NAV3: variants seen among roughly 807,000 people sequenced by gnomAD.
NAV3 encodes neuron navigator 3.
In NAV3, 87 loss-of-function variants were observed where a neutral mutation model predicts 244.7. The ratio of observed to expected loss-of-function variants is 0.36; its 90% CI spans 0.30 to 0.42. The LOEUF is 0.42. Ranked by LOEUF, NAV3 falls within the 20% of genes least tolerant of loss-of-function variation. The pLI is 1.00. For synonymous variants in NAV3, 1,126 were observed against 1,042.2 expected (o/e 1.08, Z -1.55); for missense variants, 2,663 against 2,893.3 (o/e 0.92, Z 1.83).
At chr12:77,666,697 G>T (rs1343978964) in intron 2 of NAV3, among the ~76,000 whole-genome samples, 1 of 152,100 alleles carries the variant, frequency 6.6e-6, no homozygotes, top group Non-Finnish European at 1.5e-5. Context: ...ATCCAGATTA[G>T]CATTTTATTT....
intron 7 of NAV3, among the ~76,000 whole-genome samples, chr12:78,003,395 A>G (rs1048597590): frequency 1.3e-5 from 2 of 152,166 alleles, no homozygotes; most frequent in Non-Finnish European, 2.9e-5. Flanking sequence ...TTCAGCAGGG[A>G]CCATCTATAT....
At chr12:77,802,905 G>A (rs1210276837) in intron 2 of NAV3, among the ~76,000 whole-genome samples, 2 of 152,062 alleles carry the variant, frequency 1.3e-5, no homozygotes, top group Non-Finnish European at 2.9e-5. Flanking sequence ...CTGACCTCAC[G>A]ATCCACCTGC....
intron 31 of NAV3, among the ~76,000 whole-genome samples, chr12:78,186,401 T>C (rs1958721719): frequency 6.6e-6 from 1 of 151,932 alleles, no homozygotes; most frequent in Non-Finnish European, 1.5e-5. Flanking sequence ...TACTTAAGTT[T>C]GAAAAGTAAG....
At chr12:77,674,169 T>C (rs977934046) in intron 2 of NAV3, among the ~76,000 whole-genome samples, 7 of 152,194 alleles carry the variant, frequency 4.6e-5, no homozygotes, top group African/African-American at 1.7e-4. Context: ...TAGGTTTTCT[T>C]CATACAACTC....
intron 12 of NAV3, among the ~76,000 whole-genome samples, chr12:78,063,723 C>T (rs1344053299): frequency 6.6e-6 from 1 of 152,066 alleles, no homozygotes; most frequent in African/African-American, 2.4e-5. Flanking sequence ...AGCATTTAAG[C>T]AGGGTCTTAA....
intron 2 of NAV3, among the ~76,000 whole-genome samples, chr12:77,699,182 C>A (rs750377989): frequency 6.6e-6 from 1 of 152,064 alleles, no homozygotes; most frequent in African/African-American, 2.4e-5. Flanking sequence ...ATAGAAGACA[C>A]GCTGGCTGTC....
chr12:78,048,881 C>G (rs377376570), intron 9 of NAV3, among the ~76,000 whole-genome samples: 107 of 152,342 alleles, frequency 7.0e-4, no homozygotes, highest in African/African-American at 2.4e-3. Context: ...AAGCCCCTGA[C>G]TGGGGCTGCT....
At chr12:77,785,805 T>C (rs1870878385) in intron 2 of NAV3, among the ~76,000 whole-genome samples, 2 of 152,338 alleles carry the variant, frequency 1.3e-5, no homozygotes, top group South Asian at 2.1e-4. Flanking sequence ...AATTTCAATA[T>C]GGCTTTTATG....
intron 1 of NAV3, among the ~76,000 whole-genome samples, chr12:77,921,287 G>A (rs1233675442): frequency 1.3e-5 from 2 of 152,034 alleles, no homozygotes; most frequent in Non-Finnish European, 2.9e-5. Context: ...ACTAATAAAT[G>A]TTCCTCAGTT....
chr12:78,163,297 A>G (rs912638767), intron 23 of NAV3, among the ~76,000 whole-genome samples: 11 of 152,232 alleles, frequency 7.2e-5, no homozygotes, highest in Non-Finnish European at 1.5e-4. Context: ...CTATTTCCAG[A>G]TGCCAAATAA....
At chr12:77,604,748 T>G (rs1437704975) in intron 2 of NAV3, among the ~76,000 whole-genome samples, 1 of 152,090 alleles carries the variant, frequency 6.6e-6, no homozygotes, top group Non-Finnish European at 1.5e-5. Flanking sequence ...TCTTGTGCCC[T>G]TATTTAGATA....
At chr12:77,950,817 A>T (rs1890801031) in intron 3 of NAV3, 1 of 152,222 alleles carries the variant, frequency 6.6e-6, no homozygotes, top group Admixed American at 6.5e-5. Context: ...AGAAATGGGG[A>T]AAGGATTGCC....
chr12:78,075,669 G>T lies in NAV3; in HGVS notation c.2636+16554G>T, dbSNP rs189257389. The stretch of plus-strand genomic sequence containing the variant: ...TGAGATTTTTAGATATAAAGACTTA[G>T]ATTTATAGCTTAATTACCTGAAACG... On this transcript the variant is annotated intron_variant, in intron 12 of 39. Transcript: ENST00000397909. Among the ~76,000 whole-genome samples the T allele has an allele frequency of 3.1e-3, 472 of 152,306 alleles. 1 individual carries two copies. The highest frequency in any genetic ancestry group is 9.1e-3 in the South Asian group (44 of 4,826).
At chr12:77,600,116 G>A (rs1870357547) in intron 2 of NAV3, among the ~76,000 whole-genome samples, 1 of 151,958 alleles carries the variant, frequency 6.6e-6, no homozygotes, top group Non-Finnish European at 1.5e-5. Flanking sequence ...AAGCAAATGT[G>A]TAAAACATGT....
chr12:77,895,484 C>A (rs12370490), intron 1 of NAV3, among the ~76,000 whole-genome samples: 1 of 151,988 alleles, frequency 6.6e-6, no homozygotes, highest in African/African-American at 2.4e-5. Flanking sequence ...AACTTAGAAT[C>A]TACTCTCCAA....
intron 1 of NAV3, among the ~76,000 whole-genome samples, chr12:77,836,789 G>T (rs912238827): frequency 1.3e-5 from 2 of 152,148 alleles, no homozygotes; most frequent in African/African-American, 4.8e-5. Flanking sequence ...TGGTGTGGAT[G>T]CTATAAGGGA....
rs555239172 is a variant in NAV3, at chr12:78,164,847, A to T, written c.4870-3908A>T. Reference sequence around the variant, plus strand: ...GGAAAATTTAAACAGGCTTGCCTAGAAGGTCAAGTTAGTTGATGACACTTG... The same window carrying T: ...GGAAAATTTAAACAGGCTTGCCTAGTAGGTCAAGTTAGTTGATGACACTTG... On this transcript the variant is annotated intron_variant, in intron 23 of 39. Transcript: ENST00000397909. Among the ~76,000 whole-genome samples, 7 of 152,150 alleles carry T rather than the reference A, an allele frequency of 4.6e-5. No homozygotes were observed. The South Asian group carries it at 1.5e-3, about 32-fold the overall frequency.
intron 6 of NAV3, among the ~76,000 whole-genome samples, chr12:77,997,390 C>G (rs145251830): frequency 2.1e-4 from 32 of 151,972 alleles, no homozygotes; most frequent in Middle Eastern, 6.9e-3. Flanking sequence ...ATTACATAAT[C>G]GGTCATTGAA....
At chr12:77,935,742 G>T (rs752542141) in intron 1 of NAV3, among the ~76,000 whole-genome samples, 1 of 152,188 alleles carries the variant, frequency 6.6e-6, no homozygotes, top group Non-Finnish European at 1.5e-5. Context: ...AGTTCTGCAG[G>T]CTCCAAAGGT....
Sources: allele counts gnomAD v4.1 joint callset (sites outside exome capture counted in the v4.1 genomes callset), GRCh38; gene constraint gnomAD v4.1.1; transcripts MANE v1.5; gene names NCBI Gene and HGNC (gene_info 2026-07-23, HGNC 2026-07-21).